Variants in LRP1-AS observed in about 807,000 individuals in gnomAD.
The protein encoded by LRP1-AS is LRP1 antisense RNA.
intron 1 of LRP1-AS, chr12:57,146,685 C>T (rs895945481): frequency 1.3e-5 from 2 of 152,306 alleles, no homozygotes; most frequent in Non-Finnish European, 2.9e-5. Context: ...CCAGAGCATC[C>T]CTGATAGCGT....
intron 1 of LRP1-AS, chr12:57,145,272 A>G: frequency 1.2e-6 from 2 of 1,614,146 alleles, no homozygotes; most frequent in Non-Finnish European, 1.7e-6. Flanking sequence ...AACTCCCAGA[A>G]CATCTTGGCC....
chr12:57,145,527 G>A (rs139700144), intron 1 of LRP1-AS: 5 of 1,603,292 alleles, frequency 3.1e-6, no homozygotes, highest in East Asian at 2.2e-5. Context: ...GGCTGGGGAG[G>A]GTAGGGGAGA....
At chr12:57,146,592 G>C (rs544244456) in intron 1 of LRP1-AS, 4 of 152,350 alleles carry the variant, frequency 2.6e-5, no homozygotes, top group African/African-American at 9.6e-5. Context: ...CCCTCCCCGG[G>C]ATGGTGGCGA....
At chr12:57,146,036 G>A (rs2035399578) in intron 1 of LRP1-AS, among the ~76,000 whole-genome samples, 2 of 152,264 alleles carry the variant, frequency 1.3e-5, no homozygotes, top group Admixed American at 6.5e-5. Context: ...TGGGAGAGGA[G>A]CGTGAGCCAC....
intron 1 of LRP1-AS, among the ~76,000 whole-genome samples, chr12:57,146,939 A>G (rs1315176916): frequency 6.6e-6 from 1 of 151,444 alleles, no homozygotes; most frequent in East Asian, 2.0e-4. Flanking sequence ...TTTCCTCCCC[A>G]GCCCTGCATC....
chr12:57,145,064 C>A (rs911100326), exon 2 of LRP1-AS: 1 of 1,613,956 alleles, frequency 6.2e-7, no homozygotes. Flanking sequence ...AGGATACCTC[C>A]TGCAGCCGGA....
At chr12:57,147,173 G>C (rs75505823) in intron 1 of LRP1-AS, among the ~76,000 whole-genome samples, 5 of 151,638 alleles carry the variant, frequency 3.3e-5, no homozygotes, top group Non-Finnish European at 7.4e-5. Flanking sequence ...AAATGCTTGT[G>C]GGGTAAATGA....
intron 1 of LRP1-AS, among the ~76,000 whole-genome samples, chr12:57,147,182 G>T (rs1726680198): frequency 1.3e-5 from 2 of 152,016 alleles, no homozygotes; most frequent in African/African-American, 4.8e-5. Flanking sequence ...TGGGGTAAAT[G>T]AGTGGGTTTC....
At chr12:57,145,313 A>G in intron 1 of LRP1-AS, 4 of 1,614,130 alleles carry the variant, frequency 2.5e-6, no homozygotes, top group Non-Finnish European at 3.4e-6. Flanking sequence ...GGTGTCTACC[A>G]TCACACCTAC....
chr12:57,145,488 A>C, intron 1 of LRP1-AS: 1 of 1,612,306 alleles, frequency 6.2e-7, no homozygotes, highest in Non-Finnish European at 8.5e-7. Context: ...CTCAGTCTGC[A>C]CCGTGAGTCA....
At chr12:57,145,927 C>T (rs2035396844) in intron 1 of LRP1-AS, among the ~76,000 whole-genome samples, 1 of 152,092 alleles carries the variant, frequency 6.6e-6, no homozygotes, top group Non-Finnish European at 1.5e-5. Flanking sequence ...CATGGGCCAT[C>T]GTTTCCCTCG....
intron 1 of LRP1-AS, chr12:57,146,626 C>T (rs2136664966): frequency 6.6e-6 from 1 of 152,324 alleles, no homozygotes; most frequent in African/African-American, 2.4e-5. Context: ...TGAGAGCCCT[C>T]ACTCTCCGTG....
chr12:57,146,542 C>T (rs561769341), intron 1 of LRP1-AS: 1 of 152,298 alleles, frequency 6.6e-6, no homozygotes, highest in Admixed American at 6.5e-5. Flanking sequence ...AGAAAGATCC[C>T]AGGAGGTTAC....
exon 1 of LRP1-AS, chr12:57,147,588 C>T (rs960368227): frequency 6.6e-6 from 1 of 152,246 alleles, no homozygotes; most frequent in Non-Finnish European, 1.5e-5. Flanking sequence ...TGTTGGACCC[C>T]TGGGGCTGAG....
chr12:57,144,998 A>C (rs767238018), exon 2 of LRP1-AS: 1 of 1,614,102 alleles, frequency 6.2e-7, no homozygotes, highest in Admixed American at 1.7e-5. Context: ...AGTGTACGGC[A>C]CCTGCAGCCA....
At chr12:57,145,155 C>G in intron 1 of LRP1-AS, 1 of 1,613,368 alleles carries the variant, frequency 6.2e-7, no homozygotes, top group Admixed American at 1.7e-5. Context: ...AATGCTGTTC[C>G]CTGGTGGGTG....
At chr12:57,144,939 G>A (rs371391200) in exon 2 of LRP1-AS, 114 of 1,608,042 alleles carry the variant, frequency 7.1e-5, no homozygotes, top group East Asian at 1.1e-4. Context: ...TGTCACACTG[G>A]AAATGACCAC....
intron 1 of LRP1-AS, chr12:57,145,513 G>T (rs1366008312): frequency 6.2e-7 from 1 of 1,607,436 alleles, no homozygotes; most frequent in East Asian, 2.2e-5. Context: ...CTCTCAGCTT[G>T]GAGGGCTGGG....
intron 1 of LRP1-AS, chr12:57,145,180 G>T (rs1164742987): frequency 1.2e-6 from 2 of 1,613,266 alleles, no homozygotes; most frequent in Admixed American, 3.3e-5. Flanking sequence ...CCTGAGAGGT[G>T]GTCCTAGAGC....
Sources: gnomAD v4.1 joint callset for allele counts (sites outside exome capture counted in the v4.1 genomes callset) on GRCh38, gnomAD v4.1.1 for gene constraint, MANE v1.5 for transcripts, NCBI Gene and HGNC (gene_info 2026-07-23, HGNC 2026-07-21) for gene names.